The following GRM1 variants were observed in gnomAD, a reference collection of about 807,000 sequenced individuals.
The protein encoded by GRM1 is metabotropic glutamate receptor 1.
Under a neutral mutation model 90.9 loss-of-function variants are expected in GRM1, and 33 were observed. The ratio of observed to expected loss-of-function variants is 0.36; its 90% CI spans 0.28 to 0.49. The LOEUF is 0.49. Ranked by LOEUF, GRM1 falls within the 20% of genes least tolerant of loss-of-function variation. The pLI is 0.99. For synonymous variants in GRM1, 700 were observed against 613.2 expected (o/e 1.14, Z -2.09); for missense variants, 1,190 against 1,534.3 (o/e 0.78, Z 3.75).
chr6:146,163,983 T>C (rs754186969), intron 2 of GRM1, among the ~76,000 whole-genome samples: 5 of 152,188 alleles, frequency 3.3e-5, no homozygotes, highest in Non-Finnish European at 5.9e-5. Context: ...ACTATATTTA[T>C]GTAGAAGTCA....
chr6:146,165,176 AT>A (rs1777865241), intron 2 of GRM1, among the ~76,000 whole-genome samples: 1 of 152,112 alleles, frequency 6.6e-6, no homozygotes, highest in Non-Finnish European at 1.5e-5. Flanking sequence ...AATGGTTGAA[AT>A]GGAGCAATTG....
intron 1 of GRM1, among the ~76,000 whole-genome samples, chr6:146,050,578 G>T (rs559864960): frequency 7.9e-5 from 12 of 151,930 alleles, no homozygotes; most frequent in South Asian, 6.2e-4. Flanking sequence ...TTTTTAAGAG[G>T]GGGGAGGGGA....
At chr6:146,427,715 C>A (rs1778261142) in intron 7 of GRM1, among the ~76,000 whole-genome samples, 1 of 152,136 alleles carries the variant, frequency 6.6e-6, no homozygotes. Flanking sequence ...TGCTGGTGTT[C>A]CAGGTAGTAA....
intron 7 of GRM1, among the ~76,000 whole-genome samples, chr6:146,402,619 G>A (rs185488005): frequency 2.8e-3 from 433 of 152,248 alleles, no homozygotes; most frequent in Admixed American, 5.8e-3. Flanking sequence ...CACTGAGGGT[G>A]TTCAGCAGTC....
chr6:146,262,141 T>A (rs1303723021), intron 2 of GRM1, among the ~76,000 whole-genome samples: 1 of 150,674 alleles, frequency 6.6e-6, no homozygotes, highest in Non-Finnish European at 1.5e-5. Flanking sequence ...TAGCTTCAGG[T>A]TTTTATGATA....
intron 7 of GRM1, among the ~76,000 whole-genome samples, chr6:146,407,233 GGCGAATGGCCCCAGGA>G (rs1218723784): frequency 2.6e-5 from 4 of 152,156 alleles, no homozygotes; most frequent in Non-Finnish European, 5.9e-5. Flanking sequence ...GCAAGGAAGG[GGCGAATGGCCCCAGGA>G]TAATGGAGAT....
intron 7 of GRM1, chr6:146,426,641 T>TGTGTAAGAGAAGCTGCATGGAAAATCTA: frequency 7.4e-7 from 1 of 1,359,280 alleles, no homozygotes; most frequent in Non-Finnish European, 1.1e-6. Flanking sequence ...CTGCAGTGAA[T>TGTGTAAGAGAAGCTGCATGGAAAATCTA]GTGTAAGAGA....
chr6:146,065,256 G>A (rs1582950988), intron 1 of GRM1, among the ~76,000 whole-genome samples: 2 of 152,064 alleles, frequency 1.3e-5, no homozygotes, highest in South Asian at 2.1e-4. Flanking sequence ...TAATGGTCTT[G>A]TGCTGGTGTA....
chr6:146,417,696 T>A (rs1487586415), intron 7 of GRM1, among the ~76,000 whole-genome samples: 1 of 152,190 alleles, frequency 6.6e-6, no homozygotes, highest in Non-Finnish European at 1.5e-5. Flanking sequence ...TCACAAAATT[T>A]AGGTTTTTGT....
intron 1 of GRM1, among the ~76,000 whole-genome samples, chr6:146,087,064 C>G (rs1414223158): frequency 6.6e-6 from 1 of 152,004 alleles, no homozygotes; most frequent in East Asian, 1.9e-4. Flanking sequence ...TTAAAGAAAT[C>G]AACTTTCAAA....
intron 2 of GRM1, among the ~76,000 whole-genome samples, chr6:146,286,715 C>T (rs911548098): frequency 6.6e-6 from 1 of 152,176 alleles, no homozygotes; most frequent in African/African-American, 2.4e-5. Flanking sequence ...CTGCAAGGAA[C>T]TTGAAGATCC....
chr6:146,278,584 T>G (rs1009530843), intron 2 of GRM1, among the ~76,000 whole-genome samples: 2 of 152,162 alleles, frequency 1.3e-5, no homozygotes, highest in African/African-American at 4.8e-5. Context: ...AAGGCCAGCC[T>G]GGCCAACATG....
In GRM1 at chr6:146,294,628, A is replaced by G. The variant is rs572581078; in HGVS notation, c.951-9983A>G. Among the ~76,000 whole-genome samples the G allele has an allele frequency of 8.2e-4, 125 of 152,294 alleles. 1 individual carries two copies. The South Asian group carries it at 0.016, about 20-fold the overall frequency. On this transcript the variant is annotated intron_variant, in intron 2 of 7. Coordinates refer to ENST00000282753, the MANE Select transcript of GRM1 (RefSeq NM_001278064.2). ...TTCTAAATCTCTAACAAATTTTGCCAGCTTCTTCTATTAATAACAGAGTAG... is the reference window on the plus strand; with the variant it reads ...TTCTAAATCTCTAACAAATTTTGCCGGCTTCTTCTATTAATAACAGAGTAG...
At chr6:146,279,152 T>A (rs1333567224) in intron 2 of GRM1, among the ~76,000 whole-genome samples, 2 of 152,174 alleles carry the variant, frequency 1.3e-5, no homozygotes, top group South Asian at 2.1e-4. Flanking sequence ...ATAACATTTT[T>A]ATAATAATTT....
At chr6:146,367,009 T>C (rs1775716864) in intron 5 of GRM1, among the ~76,000 whole-genome samples, 1 of 152,104 alleles carries the variant, frequency 6.6e-6, no homozygotes, top group African/African-American at 2.4e-5. Context: ...CCCAATATTT[T>C]CCTCTAGCAG....
chr6:146,084,307 TAG>T, intron 1 of GRM1, among the ~76,000 whole-genome samples: 1 of 152,252 alleles, frequency 6.6e-6, no homozygotes, highest in Admixed American at 6.5e-5. Flanking sequence ...CTTGCCTCTC[TAG>T]CTCTTTTAAT....
At chr6:146,141,568 A>G (rs938678731) in intron 1 of GRM1, among the ~76,000 whole-genome samples, 2 of 151,944 alleles carry the variant, frequency 1.3e-5, no homozygotes, top group African/African-American at 2.4e-5. Flanking sequence ...GGCATGCTTC[A>G]TTGTTTTTTA....
intron 3 of GRM1, among the ~76,000 whole-genome samples, chr6:146,334,627 A>G (rs1202666091): frequency 2.0e-5 from 3 of 152,172 alleles, no homozygotes; most frequent in Non-Finnish European, 4.4e-5. Context: ...AGTATGAATA[A>G]ACTAAGACCA....
At chr6:146,288,347 T>G (rs78467569) in intron 2 of GRM1, among the ~76,000 whole-genome samples, 3,886 of 152,240 alleles carry the variant, frequency 0.026, 56 homozygotes, top group Non-Finnish European at 0.035. Flanking sequence ...TATTTTACAG[T>G]GGCAGAGAGC....
Sources: gnomAD v4.1 joint callset for allele counts (sites outside exome capture counted in the v4.1 genomes callset) on GRCh38, gnomAD v4.1.1 for gene constraint, MANE v1.5 for transcripts, NCBI Gene and HGNC (gene_info 2026-07-23, HGNC 2026-07-21) for gene names.